Variants in ST3GAL5 observed in about 807,000 individuals in gnomAD.
The protein encoded by ST3GAL5 is lactosylceramide alpha-2,3-sialyltransferase.
A neutral mutation model predicts 46.1 loss-of-function variants in ST3GAL5; 25 were observed. The ratio of observed to expected loss-of-function variants is 0.54; its 90% CI spans 0.40 to 0.76. The LOEUF is 0.76. Among genes scored for constraint, ST3GAL5 ranks in the 30% least tolerant of loss-of-function variants. The pLI is 0.00. For missense variants in ST3GAL5, 431 were observed against 521.2 expected, an observed-to-expected ratio of 0.83 and a Z score of 1.69; for synonymous variants, 182 against 192.7, an observed-to-expected ratio of 0.94 and a Z score of 0.46.
At chr2:85,853,974 A>G (rs1443234016) in intron 3 of ST3GAL5, 1 of 152,186 alleles carries the variant, frequency 6.6e-6, no homozygotes, top group Non-Finnish European at 1.5e-5. Flanking sequence ...GTAACACAAT[A>G]AGACACCCTC....
chr2:85,840,186 TC>T lies in ST3GAL5; in HGVS notation c.1214del (p.Gly405GlufsTer3). The T allele has an allele frequency of 6.2e-7, 1 of 1,614,224 alleles. No individual in the cohort carries two copies. Among genetic ancestry groups the T allele is most frequent in the South Asian group, 1.1e-5 (1 of 91,090 alleles). ...TGCCTCCACTGAGATCTTTCACCAC[TC>T]CCTCTTTGACCAGCTTTAAGAGGAA... ...TKFLLKLVKE[G>X]VVKDLSGGID... On this transcript the variant is annotated frameshift_variant, in exon 7 of 7. Coordinates refer to ENST00000638572, the MANE Select transcript of ST3GAL5 (RefSeq NM_003896.4). LOFTEE classifies it high-confidence loss of function.
At chr2:85,856,770 A>C (rs1282715668) in intron 3 of ST3GAL5, among the ~76,000 whole-genome samples, 1 of 151,584 alleles carries the variant, frequency 6.6e-6, no homozygotes, top group Non-Finnish European at 1.5e-5. Context: ...ATGTCTTGGT[A>C]TGTTGCCCAG....
chr2:85,872,498 G>A (rs1558695370), intron 1 of ST3GAL5, among the ~76,000 whole-genome samples: 2 of 151,676 alleles, frequency 1.3e-5, no homozygotes, highest in South Asian at 2.1e-4. Flanking sequence ...CAGAAGAATC[G>A]CTTGAACCCA....
chr2:85,870,739 C>A (rs901478615), intron 1 of ST3GAL5, among the ~76,000 whole-genome samples: 7 of 150,892 alleles, frequency 4.6e-5, no homozygotes, highest in Admixed American at 1.3e-4. Context: ...TGCAATGGCA[C>A]CATCTTGGCT....
chr2:85,857,097 A>T (rs10179419), intron 3 of ST3GAL5, among the ~76,000 whole-genome samples: 43,044 of 132,344 alleles, frequency 0.33, 7,257 homozygotes, highest in East Asian at 0.58. Flanking sequence ...AAAAAAAAAA[A>T]TAGGCACGTA....
chr2:85,856,243 G>A (rs1481803645), intron 3 of ST3GAL5: 1 of 152,148 alleles, frequency 6.6e-6, no homozygotes, highest in Non-Finnish European at 1.5e-5. Flanking sequence ...ATACAATGAG[G>A]TATTATCCAG....
At chr2:85,886,654 C>A (rs1687798139) in intron 1 of ST3GAL5, among the ~76,000 whole-genome samples, 1 of 152,138 alleles carries the variant, frequency 6.6e-6, no homozygotes, top group South Asian at 2.1e-4. Flanking sequence ...TTACGCATTT[C>A]ACTTGCTTCT....
intron 3 of ST3GAL5, among the ~76,000 whole-genome samples, chr2:85,858,494 A>G (rs184021372): frequency 2.8e-4 from 43 of 152,274 alleles, no homozygotes; most frequent in African/African-American, 9.9e-4. Flanking sequence ...TATTTTTAGT[A>G]GAGACGGGGT....
chr2:85,876,650 A>T (rs1195420735), intron 1 of ST3GAL5, among the ~76,000 whole-genome samples: 2 of 151,276 alleles, frequency 1.3e-5, no homozygotes, highest in Non-Finnish European at 3.0e-5. Context: ...TTTAGTAGAG[A>T]CGGGGTTTCA....
intron 1 of ST3GAL5, among the ~76,000 whole-genome samples, chr2:85,869,386 C>CTTT (rs34172834): frequency 1.3e-4 from 19 of 145,894 alleles, no homozygotes; most frequent in Admixed American, 2.7e-4. Flanking sequence ...TTTTGCATTC[C>CTTT]TTTTTTTTTT....
At chr2:85,841,689 T>C (rs907728279) in intron 6 of ST3GAL5, among the ~76,000 whole-genome samples, 1 of 152,236 alleles carries the variant, frequency 6.6e-6, no homozygotes, top group Admixed American at 6.5e-5. Flanking sequence ...CCTTTAAAAA[T>C]GTATCCTACT....
intron 1 of ST3GAL5, among the ~76,000 whole-genome samples, chr2:85,864,906 T>A (rs1573658584): frequency 6.6e-6 from 1 of 152,200 alleles, no homozygotes; most frequent in East Asian, 1.9e-4. Flanking sequence ...TCCTGTGCAA[T>A]TCTCAAGGTG....
rs369707654 is a variant in ST3GAL5, at chr2:85,842,570, C to T, written c.1008+1826G>A. ...CCTCTTTTAAGTTACTGTTTTTATCCAAAAGAAAAATGCCATTTTATCAAT... is the reference window on the plus strand; with the variant it reads ...CCTCTTTTAAGTTACTGTTTTTATCTAAAAGAAAAATGCCATTTTATCAAT... On this transcript the variant is annotated intron_variant, in intron 6 of 6. Coordinates refer to ENST00000638572, the MANE Select transcript of ST3GAL5 (RefSeq NM_003896.4). Among the ~76,000 whole-genome samples, 40 of 152,052 alleles carry T rather than the reference C, an allele frequency of 2.6e-4. 4 individuals carry two copies. The highest frequency in any genetic ancestry group is 2.3e-3 in the East Asian group (12 of 5,178).
At chr2:85,884,944 C>T (rs1046257615) in intron 1 of ST3GAL5, among the ~76,000 whole-genome samples, 1 of 152,180 alleles carries the variant, frequency 6.6e-6, no homozygotes, top group African/African-American at 2.4e-5. Context: ...TGATCCTATC[C>T]TATCACATGA....
chr2:85,852,066 C>T lies in ST3GAL5; in HGVS notation c.319-3862G>A, dbSNP rs144878848. Among the ~76,000 whole-genome samples, 770 of 152,266 alleles carry T rather than the reference C, an allele frequency of 5.1e-3. 9 individuals are homozygous for T. Among genetic ancestry groups the T allele is most frequent in the African/African-American group, 0.017 (715 of 41,554 alleles). Reference sequence around the variant, plus strand: ...CAAAGTAATTTTCCTCAGCAAAATCCCCACTTTCATTTCCACTCTGAAATC... The same window carrying T: ...CAAAGTAATTTTCCTCAGCAAAATCTCCACTTTCATTTCCACTCTGAAATC... On this transcript the variant is annotated intron_variant, in intron 3 of 6. Coordinates refer to ENST00000638572, the MANE Select transcript of ST3GAL5 (RefSeq NM_003896.4).
chr2:85,854,413 T>C (rs868601159), intron 3 of ST3GAL5: 3 of 152,388 alleles, frequency 2.0e-5, no homozygotes, highest in African/African-American at 7.2e-5. Context: ...AAGGCTACTA[T>C]TGGTCCAGCC....
At chr2:85,880,950 ATATG>A (rs1687081775) in intron 1 of ST3GAL5, 6 of 516,906 alleles carry the variant, frequency 1.2e-5, no homozygotes, top group South Asian at 8.4e-5. Flanking sequence ...TGTATGTGTG[ATATG>A]GTTTGGCTCT....
intron 1 of ST3GAL5, among the ~76,000 whole-genome samples, chr2:85,870,719 C>T (rs1007424415): frequency 2.0e-5 from 3 of 150,982 alleles, no homozygotes; most frequent in South Asian, 2.1e-4. Context: ...TCTTGTTGCC[C>T]GGGCTGAAGT....
intron 1 of ST3GAL5, among the ~76,000 whole-genome samples, chr2:85,872,374 G>C (rs1382813747): frequency 6.6e-6 from 1 of 152,126 alleles, no homozygotes; most frequent in Non-Finnish European, 1.5e-5. Context: ...CCTGAGGTCA[G>C]GAGTTCGAGA....
Sources: allele counts gnomAD v4.1 joint callset (sites outside exome capture counted in the v4.1 genomes callset), GRCh38; gene constraint gnomAD v4.1.1; transcripts MANE v1.5; gene names NCBI Gene and HGNC (gene_info 2026-07-23, HGNC 2026-07-21).